The following SCAF4 variants were observed in gnomAD, a reference collection of about 807,000 sequenced individuals.
SCAF4 encodes the protein SR-related CTD associated factor 4.
Under a neutral mutation model 129.8 loss-of-function variants are expected in SCAF4, and 25 were observed. That is an observed-to-expected ratio of 0.19 (90% CI 0.14 to 0.27). The LOEUF (loss-of-function observed/expected upper bound fraction) is 0.27, where lower values mean the gene tolerates loss of function less well. Among genes scored for constraint, SCAF4 ranks in the 10% least tolerant of loss-of-function variants. The pLI is 1.00. For missense variants in SCAF4, 1,246 were observed against 1,457.1 expected (o/e 0.86, Z 2.36); for synonymous variants, 551 against 497.7 (o/e 1.11, Z -1.43).
At chr21:31,706,867 T>A (rs1444919685) in intron 1 of SCAF4, 7 of 278,058 alleles carry the variant, frequency 2.5e-5, no homozygotes. Context: ...CCAAGTCTAC[T>A]CAGTACATAC....
At chr21:31,724,032 A>G (rs1274290261) in intron 1 of SCAF4, among the ~76,000 whole-genome samples, 1 of 152,178 alleles carries the variant, frequency 6.6e-6, no homozygotes, top group Non-Finnish European at 1.5e-5. Context: ...TTACTGGAAT[A>G]TAGGGTTTCT....
chr21:31,696,878 CT>C, intron 7 of SCAF4, 128 bp from the exon 8 acceptor site: 1 of 763,780 alleles, frequency 1.3e-6, no homozygotes, highest in Non-Finnish European at 2.1e-6. Flanking sequence ...CTTATTTTCC[CT>C]TATGCCCCTC....
chr21:31,707,728 C>G (rs2050701632), intron 1 of SCAF4, among the ~76,000 whole-genome samples: 1 of 152,178 alleles, frequency 6.6e-6, no homozygotes, highest in Non-Finnish European at 1.5e-5. Context: ...AGACCACTAG[C>G]TAAGAGGCTA....
intron 1 of SCAF4, among the ~76,000 whole-genome samples, chr21:31,710,475 G>A (rs953176713): frequency 6.6e-6 from 1 of 152,188 alleles, no homozygotes; most frequent in Non-Finnish European, 1.5e-5. Flanking sequence ...CTTGAACTCA[G>A]GAGGCGAAGG....
At chr21:31,731,381 C>T (rs531719782) in intron 1 of SCAF4, among the ~76,000 whole-genome samples, 8 of 152,228 alleles carry the variant, frequency 5.3e-5, no homozygotes, top group African/African-American at 1.9e-4. Context: ...GTTAGAGGAA[C>T]AGGCACAGAC....
At chr21:31,688,138 A>AAAG (rs2050172024) in intron 16 of SCAF4, among the ~76,000 whole-genome samples, 169 bp downstream of exon 16, 1 of 149,936 alleles carries the variant, frequency 6.7e-6, no homozygotes, top group Non-Finnish European at 1.5e-5. Flanking sequence ...AAAAAAAAAA[A>AAAG]AAAAAAAGTG....
chr21:31,699,189 A>G (rs770698616), intron 7 of SCAF4, among the ~76,000 whole-genome samples: 1 of 152,210 alleles, frequency 6.6e-6, no homozygotes, highest in Non-Finnish European at 1.5e-5. Context: ...TTAGTGTATA[A>G]AAAAGTAGTG....
chr21:31,675,046 A>C lies in SCAF4; in HGVS notation c.2489-2692T>G, dbSNP rs373873691. Among the ~76,000 whole-genome samples, 267 of 152,332 alleles carry C rather than the reference A, an allele frequency of 1.8e-3. 3 individuals carry two copies. The highest frequency in any genetic ancestry group is 0.014 in the South Asian group (69 of 4,824). ...ATGCACAAGGCCAGTGAGTTAAGGA[A>C]GGACGTTACTATCAAGACATTACTA... On this transcript the variant is annotated intron_variant, in intron 19 of 19. Coordinates refer to ENST00000286835, the MANE Select transcript of SCAF4 (RefSeq NM_020706.2).
chr21:31,678,528 G>C (rs2123475431), intron 19 of SCAF4, among the ~76,000 whole-genome samples: 1 of 152,108 alleles, frequency 6.6e-6, no homozygotes, highest in East Asian at 1.9e-4. Flanking sequence ...TTTAAAAACT[G>C]CACATCAGAT....
Position 31,671,760 on chromosome 21 carries a change from C to T in SCAF4, c.3083G>A (p.Arg1028His), listed in dbSNP as rs760940428. 70 of 1,614,014 alleles carry T rather than the reference C, an allele frequency of 4.3e-5. No homozygotes were observed. The highest frequency in any genetic ancestry group is 1.3e-4 in the Admixed American group (8 of 60,012). The change falls in exon 20 of 20, where the codon CGT becomes CAT. Residue 1028 changes from arginine (R) to histidine (H), a missense_variant. Transcript: ENST00000286835. ...NRNDDRDNSN[R>H]DRREWGRRSP... ...CCTCCTTCCCCACTCTCTCCTGTCA[C>T]GGTTACTATTATCTCTATCATCATT...
At chr21:31,677,303 T>C (rs1193337278) in intron 19 of SCAF4, among the ~76,000 whole-genome samples, 1 of 152,018 alleles carries the variant, frequency 6.6e-6, no homozygotes, top group Non-Finnish European at 1.5e-5. Context: ...ACCAACATTC[T>C]CCCCTCTACT....
chr21:31,729,937 T>C (rs761934998), intron 1 of SCAF4, among the ~76,000 whole-genome samples: 2 of 152,246 alleles, frequency 1.3e-5, no homozygotes, highest in Non-Finnish European at 2.9e-5. Flanking sequence ...ACTTCCATAA[T>C]GCCTGAATCA....
intron 1 of SCAF4, among the ~76,000 whole-genome samples, chr21:31,726,736 G>A (rs368541251): frequency 5.9e-5 from 9 of 152,216 alleles, no homozygotes; most frequent in Admixed American, 1.3e-4. Flanking sequence ...CTACACATGC[G>A]CACCAGGAGA....
At position 31,731,655 on chromosome 21, in the gene SCAF4, C is replaced by G. The variant is rs775931638; in HGVS notation, c.30+8G>C. ...GCCCGGCACCCCCCTGCCCCAAACA[C>G]CCCTTACCTCCTGGTTGAAGGCGTT... On this transcript the variant is annotated splice_region_variant and intron_variant, in intron 1 of 19. Coordinates refer to ENST00000286835, the MANE Select transcript of SCAF4 (RefSeq NM_020706.2). 1 of 1,587,954 alleles carries G rather than the reference C, an allele frequency of 6.3e-7. No homozygotes were observed.
At position 31,694,918 on chromosome 21, in the gene SCAF4, A is replaced by G. The variant is rs2123547901; in HGVS notation, c.1131T>C (p.Pro377=). 6.2e-7 allele frequency: 1 copy of G among 1,614,088 alleles called. No homozygotes were observed. The highest frequency in any genetic ancestry group is 2.2e-5 in the East Asian group (1 of 44,882). Residue 377 remains proline (P), a synonymous_variant, in exon 10 of 20, where the codon CCT becomes CCC. Coordinates refer to ENST00000286835, the MANE Select transcript of SCAF4 (RefSeq NM_020706.2). The part of the protein sequence containing the change: ...GFGLLPTPPF[P]PMAQPVIPPT... ...GAGGAATCACAGGCTGAGCCATGGG[A>G]GGAAATGGAGGTGTAGGAAGAAGTC...
intron 3 of SCAF4, 137 bp downstream of exon 3, chr21:31,705,286 C>G (rs2050629451): frequency 2.1e-6 from 1 of 479,192 alleles, no homozygotes; most frequent in Non-Finnish European, 3.8e-6. Flanking sequence ...TTTTTATAAA[C>G]TTCTAGTGAT....
At chr21:31,726,661 T>C (rs1279096240) in intron 1 of SCAF4, among the ~76,000 whole-genome samples, 1 of 151,914 alleles carries the variant, frequency 6.6e-6, no homozygotes, top group Non-Finnish European at 1.5e-5. Flanking sequence ...CCAGACCCTG[T>C]CTCAAAAAAC....
intron 1 of SCAF4, 168 bp from the exon 2 acceptor site, chr21:31,706,525 C>T (rs764441334): frequency 1.0e-5 from 6 of 594,054 alleles, no homozygotes; most frequent in Admixed American, 3.2e-5. Context: ...GCCAGGCACC[C>T]AGCACACACC....
chr21:31,703,487 T>C (rs2050582454), intron 4 of SCAF4, among the ~76,000 whole-genome samples: 1 of 152,084 alleles, frequency 6.6e-6, no homozygotes, highest in Non-Finnish European at 1.5e-5. Context: ...GCTCCTAATG[T>C]TTCCCTTACC....
Sources: gnomAD v4.1 joint callset for allele counts (sites outside exome capture counted in the v4.1 genomes callset) on GRCh38, gnomAD v4.1.1 for gene constraint, MANE v1.5 for transcripts, NCBI Gene and HGNC (gene_info 2026-07-23, HGNC 2026-07-21) for gene names.